Variants in TDRD15 observed in about 807,000 individuals in gnomAD.
The protein encoded by TDRD15 is tudor domain containing 15.
For missense variants in TDRD15, 1,416 were observed against 904.7 expected (o/e 1.57, Z -7.25); for synonymous variants, 503 against 314.5 (o/e 1.60, Z -6.34).
At position 21,142,452 on chromosome 2, in the gene TDRD15, T is replaced by G. The variant is rs1665954426; in HGVS notation, c.4985T>G (p.Ile1662Arg). 1 of 707,274 alleles carries G rather than the reference T, an allele frequency of 1.4e-6. No individual in the cohort carries two copies. Among genetic ancestry groups the G allele is most frequent in the Non-Finnish European group, 2.6e-6 (1 of 381,498 alleles). The allele number at this position is 707,274 out of a possible 1,614,324, so 43.8% of individuals were successfully genotyped here. A position where few individuals can be genotyped will look rare whatever the true frequency, so the allele number is the denominator to read the frequency against. The change falls in exon 4 of 4, where the codon ATA becomes AGA. Residue 1662 changes from isoleucine to arginine, a missense_variant. Ile to Arg is a moderately conservative substitution (Grantham distance 97). Transcript: ENST00000405799. ...SFECLFADLEINILFLKYLDA... is the reference protein window; with the variant it reads ...SFECLFADLERNILFLKYLDA... Reference sequence around the variant, plus strand: ...GAGTGCTTATTTGCTGATTTGGAAATAAATATTCTTTTCCTGAAATATTTA... The same window carrying G: ...GAGTGCTTATTTGCTGATTTGGAAAGAAATATTCTTTTCCTGAAATATTTA...
rs762311226 is a variant in TDRD15 at position 21,141,363 on chromosome 2, G to GGTATGTATC, written c.3897_3905dup (p.Tyr1300_Ser1302dup). On this transcript the variant is annotated inframe_insertion, in exon 4 of 4. Transcript: ENST00000405799. ...ATTTATTTGAATGCCAAAGTTAAAG[G>GGTATGTATC]GTATGTATCTAATATCAGTAATCCA... The GGTATGTATC allele has an allele frequency of 1.4e-6, 1 of 715,378 alleles. No homozygotes were observed. The highest frequency in any genetic ancestry group is 1.8e-5 in the African/African-American group (1 of 57,090). 44.3% of individuals were successfully genotyped at this position (715,378 alleles called of 1,614,324 possible). A position where few individuals can be genotyped will look rare whatever the true frequency, so the allele number is the denominator to read the frequency against.
chr2:21,131,674 T>C (rs956819232), intron 2 of TDRD15, among the ~76,000 whole-genome samples: 5 of 152,184 alleles, frequency 3.3e-5, no homozygotes, highest in Non-Finnish European at 7.3e-5. Context: ...TTTGTAAAAA[T>C]TACAAAACCA....
At position 21,138,252 on chromosome 2, in the gene TDRD15, A is replaced by G; in HGVS notation, c.785A>G (p.Lys262Arg). Residue 262 changes from lysine to arginine, a missense_variant, in exon 4 of 4, where the codon AAA (lysine) becomes AGA (arginine). By Grantham distance (26) the Lys-to-Arg change is conservative (BLOSUM62 2). Transcript: ENST00000405799. ...AGTAAATTTTATTGTCAGTTAATTAAATGGACTCCAGAGCTAGAAAACTTG... is the reference window on the plus strand; with the variant it reads ...AGTAAATTTTATTGTCAGTTAATTAGATGGACTCCAGAGCTAGAAAACTTG... ...SPSKFYCQLIKWTPELENLTA... is the reference protein window; with the variant it reads ...SPSKFYCQLIRWTPELENLTA... 1 of 716,120 alleles carries G rather than the reference A, an allele frequency of 1.4e-6. No homozygotes were observed. The highest frequency in any genetic ancestry group is 1.5e-5 in the South Asian group (1 of 67,420). The allele number at this position is 716,120 out of a possible 1,614,324, so 44.4% of individuals were successfully genotyped here.
chr2:21,125,862 ACCT>A lies in TDRD15; in HGVS notation c.-200-1733_-200-1731del, dbSNP rs1380996643. ...TTAGTACCTTTTTTATATTACTCTG[ACCT>A]CCTCCCAAATTGTACAGGATTCTTA... On this transcript the variant is annotated intron_variant, in intron 1 of 3. Transcript: ENST00000405799. Among the ~76,000 whole-genome samples, 4 of 152,172 alleles carry A rather than the reference ACCT, an allele frequency of 2.6e-5. No homozygotes were observed. The East Asian group carries it at 7.7e-4, about 29-fold the overall frequency.
At chr2:21,145,528 A>G (rs1666016229), downstream of TDRD15, among the ~76,000 whole-genome samples, 2 of 151,992 alleles carry the variant, frequency 1.3e-5, no homozygotes, top group Admixed American at 1.3e-4. Flanking sequence ...GAGTTAAAGT[A>G]GCTGTTGTAA....
In TDRD15 at chr2:21,139,593, A is replaced by G. The variant is rs1258548114; in HGVS notation, c.2126A>G (p.His709Arg). Reference protein sequence around the residue: ...LLEGPKSKKYHSNNLVENNLS... With the variant: ...LLEGPKSKKYRSNNLVENNLS... ...GAAGGACCTAAATCTAAAAAGTACC[A>G]TTCAAATAACCTGGTGGAAAATAAC... The change falls in exon 4 of 4, where the codon CAT (histidine) becomes CGT (arginine). Residue 709 changes from histidine (H) to arginine (R), a missense_variant. By Grantham distance (29) the His-to-Arg change is conservative (BLOSUM62 0). Coordinates refer to ENST00000405799, the MANE Select transcript of TDRD15 (RefSeq NM_001306137.2). 16 of 714,984 alleles carry G rather than the reference A, an allele frequency of 2.2e-5. No homozygotes were observed. The highest frequency in any genetic ancestry group is 7.4e-5 in the South Asian group (5 of 67,250). The allele number at this position is 714,984 out of a possible 1,614,324, so 44.3% of individuals were successfully genotyped here. A position where few individuals can be genotyped will look rare whatever the true frequency, so the allele number is the denominator to read the frequency against.
At position 21,141,531 on chromosome 2, in the gene TDRD15, G is replaced by A. The variant is rs1277085317; in HGVS notation, c.4064G>A (p.Gly1355Asp). 1.3e-5 allele frequency: 9 copies of A among 714,906 alleles called. No individual in the cohort carries two copies. The Admixed American group carries it at 1.8e-4, about 14-fold the overall frequency. The allele number at this position is 714,906 out of a possible 1,614,324, so 44.3% of individuals were successfully genotyped here. A position where few individuals can be genotyped will look rare whatever the true frequency, so the allele number is the denominator to read the frequency against. ...VGDLVVAEYS[G>D]DNAIYRAVIK... is the part of the protein sequence containing the mutation. ...GATCTTGTAGTTGCAGAATATTCTG[G>A]TGACAATGCCATTTACAGGGCAGTT... is the stretch of plus-strand genomic sequence containing the variant. The change falls in exon 4 of 4, where the codon GGT (glycine) becomes GAT (aspartate). Residue 1355 changes from glycine to aspartate, a missense_variant. Physicochemically the swap from Gly to Asp is moderately conservative, Grantham distance 94 (BLOSUM62 -1). Transcript: ENST00000405799.
rs201452916 is a variant in TDRD15, at chr2:21,140,000, G to C, written c.2533G>C (p.Asp845His). 4.2e-6 allele frequency: 3 copies of C among 715,792 alleles called. No individual in the cohort carries two copies. In the Middle Eastern group the frequency reaches 6.9e-4, roughly 164 times the overall value. The allele number at this position is 715,792 out of a possible 1,614,324, so 44.3% of individuals were successfully genotyped here. A position where few individuals can be genotyped will look rare whatever the true frequency, so the allele number is the denominator to read the frequency against. ...YGYQKRVLIE[D>H]LCAINPRFLL... The stretch of plus-strand genomic sequence containing the variant: ...TTACCAAAAAAGGGTTTTAATTGAA[G>C]ATCTTTGTGCAATTAACCCACGTTT... The change falls in exon 4 of 4, where the codon GAT becomes CAT. Residue 845 changes from aspartate to histidine, a missense_variant. Transcript: ENST00000405799.
At chr2:21,132,252 C>T (rs889242280) in intron 2 of TDRD15, among the ~76,000 whole-genome samples, 1 of 151,808 alleles carries the variant, frequency 6.6e-6, no homozygotes, top group Non-Finnish European at 1.5e-5. Flanking sequence ...TTAGCTCTGT[C>T]GGACTTCATA....
At chr2:21,136,237 A>G (rs1232527843) in intron 3 of TDRD15, among the ~76,000 whole-genome samples, 4 of 151,904 alleles carry the variant, frequency 2.6e-5, no homozygotes, top group African/African-American at 9.7e-5. Flanking sequence ...AATAATGAAA[A>G]CATTTAGACT....
intron 3 of TDRD15, among the ~76,000 whole-genome samples, chr2:21,136,500 G>C (rs571610223): frequency 4.6e-4 from 70 of 152,074 alleles, no homozygotes; most frequent in African/African-American, 1.6e-3. Context: ...CTATGGAGTA[G>C]CATTTCCTTG....
At chr2:21,126,347 A>G (rs1665595476) in intron 1 of TDRD15, among the ~76,000 whole-genome samples, 2 of 151,616 alleles carry the variant, frequency 1.3e-5, no homozygotes, top group African/African-American at 4.8e-5. Context: ...CCATGTTTTT[A>G]TGAGTATCAG....
In TDRD15 at chr2:21,140,974, G is replaced by A. The variant is rs1316813471; in HGVS notation, c.3507G>A (p.Leu1169=). ...AGAATAAGAGATTTACTACTTCTTT[G>A]AAAGGCAAAACAGGAAACAACTATC... ...INENKRFTTS[L]KGKTGNNYRH... The change falls in exon 4 of 4, where the codon TTG becomes TTA. Residue 1169 remains leucine, a synonymous_variant. Transcript: ENST00000405799. 1 of 713,856 alleles carries A rather than the reference G, an allele frequency of 1.4e-6. No individual in the cohort carries two copies. Among genetic ancestry groups the A allele is most frequent in the African/African-American group, 1.8e-5 (1 of 56,964 alleles). 44.2% of individuals were successfully genotyped at this position (713,856 alleles called of 1,614,324 possible).
intron 1 of TDRD15, among the ~76,000 whole-genome samples, chr2:21,127,171 T>A (rs6738706): frequency 0.078 from 11,842 of 152,192 alleles, 1,500 homozygotes; most frequent in African/African-American, 0.27. Context: ...ATTTTTTTTT[T>A]ATTATTGAGT....
intron 1 of TDRD15, among the ~76,000 whole-genome samples, chr2:21,125,566 G>A (rs901893832): frequency 1.3e-5 from 2 of 151,924 alleles, no homozygotes; most frequent in Non-Finnish European, 2.9e-5. Context: ...GGGTGTGGAG[G>A]TGTTTTTCCG....
At chr2:21,147,120 C>T (rs189565472), downstream of TDRD15, among the ~76,000 whole-genome samples, 171 of 152,104 alleles carry the variant, frequency 1.1e-3, no homozygotes, top group African/African-American at 4.0e-3. Context: ...TATAATCATC[C>T]TGATAAAACT....
Position 21,143,247 on chromosome 2 carries a change from C to G in TDRD15, c.5780C>G (p.Thr1927Ser). The G allele has an allele frequency of 1.6e-6, 1 of 614,800 alleles. No homozygotes were observed. Among genetic ancestry groups the G allele is most frequent in the Non-Finnish European group, 2.9e-6 (1 of 339,468 alleles). The allele number at this position is 614,800 out of a possible 1,614,324, so 38.1% of individuals were successfully genotyped here. ...CCTCATCTTGATGCAATTACTGCTA[C>G]TGAATCTGCTAAAAATCCAATATAA... Reference protein sequence around the residue: ...DSPHLDAITATESAKNPI With the variant: ...DSPHLDAITASESAKNPI The change falls in exon 4 of 4, where the codon ACT (threonine) becomes AGT (serine). Residue 1927 changes from threonine (T) to serine (S), a missense_variant. Transcript: ENST00000405799.
rs1359922229 is a variant in TDRD15 at position 21,140,754 on chromosome 2, G to A, written c.3287G>A (p.Ser1096Asn). Residue 1096 changes from serine (S) to asparagine (N), a missense_variant, in exon 4 of 4, where the codon AGT becomes AAT. Physicochemically the swap from Ser to Asn is conservative, Grantham distance 46 (BLOSUM62 1). Transcript: ENST00000405799. ...RDVDIPAEIS[S>N]WFKDNFLGRS... ...GTAGATATTCCAGCAGAAATCAGTAGTTGGTTTAAAGACAATTTCTTGGGA... is the reference window on the plus strand; with the variant it reads ...GTAGATATTCCAGCAGAAATCAGTAATTGGTTTAAAGACAATTTCTTGGGA... The A allele has an allele frequency of 1.4e-6, 1 of 714,404 alleles. No homozygotes were observed. Among genetic ancestry groups the A allele is most frequent in the Non-Finnish European group, 2.6e-6 (1 of 383,392 alleles). 44.3% of individuals were successfully genotyped at this position (714,404 alleles called of 1,614,324 possible).
rs312966 is a variant in TDRD15, at chr2:21,137,711, A to G, written c.244A>G (p.Met82Val). The G allele has an allele frequency of 0.43, 306,165 of 714,142 alleles. 69,076 individuals are homozygous for G. The highest frequency in any genetic ancestry group is 0.72 in the East Asian group (26,937 of 37,230). 44.2% of individuals were successfully genotyped at this position (714,142 alleles called of 1,614,324 possible). The change falls in exon 4 of 4, where the codon ATG (methionine) becomes GTG (valine). Residue 82 changes from methionine to valine, a missense_variant. Met to Val is a conservative substitution (Grantham distance 21, BLOSUM62 1). Transcript: ENST00000405799. ...TGGAGAATGGCAGAGAGGAAGAGTC[A>G]TGGAAAAGAAAAATGAACTCTATAC... ...VSGEWQRGRVMEKKNELYTVL... is the reference protein window; with the variant it reads ...VSGEWQRGRVVEKKNELYTVL...
Sources: allele counts gnomAD v4.1 joint callset (sites outside exome capture counted in the v4.1 genomes callset), GRCh38; gene constraint gnomAD v4.1.1; transcripts MANE v1.5; gene names NCBI Gene and HGNC (gene_info 2026-07-23, HGNC 2026-07-21).